KLF12: variants seen among roughly 807,000 people sequenced by gnomAD.
The protein encoded by KLF12 is KLF transcription factor 12, also known as Krueppel-like factor 12.
A neutral mutation model predicts 37.8 loss-of-function variants in KLF12; 9 were observed. That is an observed-to-expected ratio of 0.24 (90% CI 0.14 to 0.42). The LOEUF (loss-of-function observed/expected upper bound fraction) is 0.42. KLF12 is among the 10% of genes least tolerant of loss of function. The probability of loss-of-function intolerance (pLI) is 1.00; values close to 1 mark genes in which losing one functional copy is unlikely to be tolerated. For synonymous variants in KLF12, 208 were observed against 202.1 expected, an observed-to-expected ratio of 1.03 and a Z score of -0.25; for missense variants, 411 against 516.0, an observed-to-expected ratio of 0.80 and a Z score of 1.97.
At chr13:74,150,810 T>G in the KLF12 span, among the ~76,000 whole-genome samples, 1 of 152,052 alleles carries the variant, frequency 6.6e-6, no homozygotes, top group Non-Finnish European at 1.5e-5. Context: ...GCACAAACAG[T>G]GTGGATACAC....
chr13:74,280,613 T>C, the KLF12 span, among the ~76,000 whole-genome samples: 1 of 152,274 alleles, frequency 6.6e-6, no homozygotes, highest in African/African-American at 2.4e-5. Context: ...TCTGGTCACA[T>C]TCTCTAGTTT....
At chr13:74,073,389 G>A (rs1042095761) in intron 1 of KLF12, among the ~76,000 whole-genome samples, 13 of 152,130 alleles carry the variant, frequency 8.5e-5, no homozygotes, top group African/African-American at 2.4e-4. Context: ...TTGTACTTCC[G>A]TAAATCTCTC....
chr13:74,269,983 T>C, the KLF12 span, among the ~76,000 whole-genome samples: 1 of 152,172 alleles, frequency 6.6e-6, no homozygotes, highest in Admixed American at 6.5e-5. Flanking sequence ...GGGAAGTCTG[T>C]GGAGGTGGCA....
At chr13:74,141,543 G>T in the KLF12 span, among the ~76,000 whole-genome samples, 1 of 152,150 alleles carries the variant, frequency 6.6e-6, no homozygotes, top group South Asian at 2.1e-4. Context: ...TCCATCCCTT[G>T]CAGTGAAACA....
intron 5 of KLF12, among the ~76,000 whole-genome samples, chr13:73,811,610 G>A (rs577383733): frequency 3.3e-5 from 5 of 151,986 alleles, no homozygotes; most frequent in African/African-American, 9.6e-5. Flanking sequence ...TTCACACCTC[G>A]TAGCTGTATC....
At chr13:74,253,901 G>A in the KLF12 span, among the ~76,000 whole-genome samples, 1 of 152,148 alleles carries the variant, frequency 6.6e-6, no homozygotes, top group African/African-American at 2.4e-5. Context: ...ATTATGAGAA[G>A]CCTTACAATA....
At chr13:73,913,060 A>G (rs1192818018) in intron 3 of KLF12, among the ~76,000 whole-genome samples, 6 of 152,176 alleles carry the variant, frequency 3.9e-5, no homozygotes, top group Admixed American at 3.9e-4. Context: ...AGCAGGGCAC[A>G]CATTTCTCCG....
chr13:73,707,603 TG>T (rs570918136), intron 7 of KLF12, among the ~76,000 whole-genome samples: 2 of 152,010 alleles, frequency 1.3e-5, no homozygotes, highest in Admixed American at 1.3e-4. Context: ...GGAACCTAGA[TG>T]GGGGGGTCTG....
At chr13:74,008,686 T>C (rs1202884603) in intron 1 of KLF12, among the ~76,000 whole-genome samples, 3 of 152,236 alleles carry the variant, frequency 2.0e-5, no homozygotes, top group Non-Finnish European at 2.9e-5. Flanking sequence ...TTGAAGATCT[T>C]TGAGTCTCCT....
In KLF12 at chr13:73,795,512, T is replaced by C. The variant is rs181721238; in HGVS notation, c.806+17640A>G. ...TTCTGGTGTCAGTGATGCCATTTTA[T>C]AGAACAATGCAAACGCATTCACTGG... On this transcript the variant is annotated intron_variant, in intron 5 of 7. Coordinates refer to ENST00000377669, the MANE Select transcript of KLF12 (RefSeq NM_007249.5). Among the ~76,000 whole-genome samples the C allele has an allele frequency of 1.0e-3, 152 of 152,352 alleles. 1 individual carries two copies. Among genetic ancestry groups the C allele is most frequent in the Non-Finnish European group, 7.3e-5 (5 of 68,032 alleles).
chr13:74,049,191 T>C (rs531683955), intron 1 of KLF12, among the ~76,000 whole-genome samples: 109 of 152,324 alleles, frequency 7.2e-4, no homozygotes, highest in African/African-American at 2.6e-3. Context: ...AGAGACTCCA[T>C]AGACATCTTG....
chr13:73,722,098 G>C (rs1297252262), intron 6 of KLF12, among the ~76,000 whole-genome samples: 1 of 152,062 alleles, frequency 6.6e-6, no homozygotes, highest in African/African-American at 2.4e-5. Context: ...CTGTTTCTAA[G>C]GTTTCATATT....
At chr13:73,734,489 A>G (rs1161853479) in intron 6 of KLF12, among the ~76,000 whole-genome samples, 1 of 152,154 alleles carries the variant, frequency 6.6e-6, no homozygotes, top group Non-Finnish European at 1.5e-5. Context: ...ATCTGTTGAT[A>G]GAGGCTTAAT....
chr13:73,880,786 T>C (rs1179249172), intron 3 of KLF12, among the ~76,000 whole-genome samples: 1 of 152,240 alleles, frequency 6.6e-6, no homozygotes, highest in African/African-American at 2.4e-5. Context: ...AGATTTGTTT[T>C]TTAAATAAAT....
In KLF12 at chr13:73,913,940, A is replaced by T. The variant is rs1418120284; in HGVS notation, c.123+30041T>A. Reference sequence around the variant, plus strand: ...ATTAAAAGAAAAGTTTTTTTTAAAAAGGAGGAGCAGAGTCAACTGTTTTAT... The same window carrying T: ...ATTAAAAGAAAAGTTTTTTTTAAAATGGAGGAGCAGAGTCAACTGTTTTAT... On this transcript the variant is annotated intron_variant, in intron 3 of 7. Transcript: ENST00000377669. Among the ~76,000 whole-genome samples the T allele has an allele frequency of 3.9e-5, 6 of 152,324 alleles. No individual in the cohort carries two copies. In the East Asian group the frequency reaches 1.2e-3, roughly 29 times the overall value.
At chr13:73,967,855 G>T (rs1371254217) in intron 2 of KLF12, among the ~76,000 whole-genome samples, 2 of 152,180 alleles carry the variant, frequency 1.3e-5, no homozygotes, top group East Asian at 3.9e-4. Context: ...ATGAGCATCA[G>T]TGACGATGAA....
chr13:74,211,731 T>C, the KLF12 span, among the ~76,000 whole-genome samples: 1 of 152,206 alleles, frequency 6.6e-6, no homozygotes, highest in Non-Finnish European at 1.5e-5. Context: ...GTACTCCTTT[T>C]CCAGTAGGAG....
chr13:74,200,678 T>C, the KLF12 span, among the ~76,000 whole-genome samples: 2 of 152,016 alleles, frequency 1.3e-5, no homozygotes. Flanking sequence ...GACATAGAGA[T>C]CATCAGGACT....
intron 3 of KLF12, among the ~76,000 whole-genome samples, chr13:73,924,522 G>C (rs1426576017): frequency 6.6e-6 from 1 of 152,104 alleles, no homozygotes; most frequent in Non-Finnish European, 1.5e-5. Flanking sequence ...TAATAAATGT[G>C]TGTGTTTTGA....
Sources: allele counts gnomAD v4.1 joint callset (sites outside exome capture counted in the v4.1 genomes callset), GRCh38; gene constraint gnomAD v4.1.1; transcripts MANE v1.5; gene names NCBI Gene and HGNC (gene_info 2026-07-23, HGNC 2026-07-21).